The following RHBDL1 variants were observed in gnomAD, a reference collection of about 807,000 sequenced individuals.
RHBDL1 encodes the protein rhomboid-related protein 1.
In RHBDL1, 21 loss-of-function variants were observed where a neutral mutation model predicts 34.0. The observed-to-expected ratio is 0.62, with a 90% CI of 0.44 to 0.89. The LOEUF (loss-of-function observed/expected upper bound fraction) is 0.89. RHBDL1 is among the 40% of genes least tolerant of loss of function. RHBDL1 has a pLI of 0.00. For missense variants in RHBDL1, 450 were observed against 530.6 expected (o/e 0.85, Z 1.49); for synonymous variants, 268 against 234.8 (o/e 1.14, Z -1.29).
intron 4 of RHBDL1, 34 bp downstream of exon 4, chr16:677,153 C>T (rs900785738): frequency 6.3e-7 from 1 of 1,583,202 alleles, no homozygotes; most frequent in Admixed American, 1.7e-5. Flanking sequence ...AGCCCCGCCC[C>T]AACCTGCCAT....
In RHBDL1 at chr16:677,681, G is replaced by A; in HGVS notation, c.832G>A (p.Val278Met). The A allele has an allele frequency of 6.5e-7, 1 of 1,550,158 alleles. No individual in the cohort carries two copies. The highest frequency in any genetic ancestry group is 8.7e-7 in the Non-Finnish European group (1 of 1,146,466). Residue 278 changes from valine to methionine, a missense_variant, in exon 7 of 8, where the codon GTG (valine) becomes ATG (methionine). Physicochemically the swap from Val to Met is conservative, Grantham distance 21. Transcript: ENST00000352681. ...ATGTCCCTACAAGTTGCTGAGGATGGTGCTGGCCTTGGTGTGCAGTGAGTA... is the reference window on the plus strand; with the variant it reads ...ATGTCCCTACAAGTTGCTGAGGATGATGCTGGCCTTGGTGTGCAGTGAGTA... ...MRCPYKLLRM[V>M]LALVCMSSEV...
rs778588458 is a variant in RHBDL1 at position 676,300 on chromosome 16, C to T, written c.40-36C>T. The T allele has an allele frequency of 2.4e-5, 38 of 1,599,694 alleles. No individual in the cohort carries two copies. The highest frequency in any genetic ancestry group is 5.1e-5 in the Admixed American group (3 of 58,510). ...AGCCCTTTGGTCCAGGGGTCGGGCC[C>T]GCACTCAGGCCTTGGCTGGCGGCTC... On this transcript the variant is annotated intron_variant, in intron 1 of 7. Coordinates refer to ENST00000352681, the MANE Select transcript of RHBDL1 (RefSeq NM_001278720.2). This position sits in a 1 kb window ranked among gnomAD's most constrained non-coding sequence, Gnocchi z 6.9.
At position 678,163 on chromosome 16, in the gene RHBDL1, G is replaced by C; in HGVS notation, c.*111G>C. On this transcript the variant is annotated 3_prime_UTR_variant, in exon 8 of 8. Transcript: ENST00000352681. ...ACGTCTCAGGGCTGCTGTGCCCCTTGGGTGTGGGTGGCCTCAAAGGAGGCC... is the reference window on the plus strand; with the variant it reads ...ACGTCTCAGGGCTGCTGTGCCCCTTCGGTGTGGGTGGCCTCAAAGGAGGCC... 7.1e-7 allele frequency: 1 copy of C among 1,401,420 alleles called. No individual in the cohort carries two copies. The highest frequency in any genetic ancestry group is 9.2e-7 in the Non-Finnish European group (1 of 1,084,192). The allele number at this position is 1,401,420 out of a possible 1,614,324, so 86.8% of individuals were successfully genotyped here.
chr16:678,013 C>T lies in RHBDL1; in HGVS notation c.1083C>T (p.Ala361=). The T allele has an allele frequency of 6.3e-7, 1 of 1,590,404 alleles. No individual in the cohort carries two copies. The highest frequency in any genetic ancestry group is 8.5e-7 in the Non-Finnish European group (1 of 1,174,388). Residue 361 remains alanine, a synonymous_variant, in exon 8 of 8, where the codon GCC becomes GCT. Transcript: ENST00000352681. ...LLFAVFWNVF[A]YDLLGAHIPP... ...TCGCCGTCTTCTGGAACGTCTTCGC[C>T]TACGACCTGCTGGGCGCCCACATCC...
intron 4 of RHBDL1, 32 bp from the exon 5 acceptor site, chr16:677,244 C>T (rs748967037): frequency 1.3e-6 from 2 of 1,553,860 alleles, no homozygotes; most frequent in South Asian, 1.2e-5. Context: ...GCTGACCCCA[C>T]CCTTCGTACC....
At chr16:677,418 C>A in intron 5 of RHBDL1, 30 bp downstream of exon 5, 1 of 1,574,642 alleles carries the variant, frequency 6.4e-7, no homozygotes, top group Non-Finnish European at 8.6e-7. Flanking sequence ...CCGCCCCCTG[C>A]CCTGGCCGGC....
chr16:676,031 GGGGAGGGAGGGA>G lies in RHBDL1; in HGVS notation c.39+218_39+229del, dbSNP rs561817432. On this transcript the variant is annotated intron_variant, in intron 1 of 7. Transcript: ENST00000352681. The surrounding 1 kb of genome is among the most constrained non-coding windows in gnomAD (Gnocchi z 6.9). ...TCCTGGCTGGAGAAGGGAGAGTCGG[GGGGAGGGAGGGA>G]GGGAGGGAGGGAGGGCGGGCAGCTG... 1.4e-4 allele frequency: 193 copies of G among 1,388,370 alleles called. No homozygotes were observed. The highest frequency in any genetic ancestry group is 5.3e-4 in the East Asian group (20 of 37,634). The allele number at this position is 1,388,370 out of a possible 1,614,324, so 86.0% of individuals were successfully genotyped here.
intron 1 of RHBDL1, 161 bp downstream of exon 1, chr16:675,990 C>G: frequency 7.1e-7 from 1 of 1,401,722 alleles, no homozygotes; most frequent in African/African-American, 1.5e-5. Flanking sequence ...CAGGAGAGGA[C>G]TGACTGGACC....
In RHBDL1 at chr16:678,054, C is replaced by T. The variant is rs767961731; in HGVS notation, c.*2C>T. 3.4e-5 allele frequency: 53 copies of T among 1,556,258 alleles called. 1 individual carries two copies. The highest frequency in any genetic ancestry group is 4.1e-5 in the African/African-American group (3 of 74,048). On this transcript the variant is annotated 3_prime_UTR_variant, in exon 8 of 8. Coordinates refer to ENST00000352681, the MANE Select transcript of RHBDL1 (RefSeq NM_001278720.2). ...GCCCACATCCCCCCACCGCCCTGAC[C>T]GGCTACCTGAGGCTGCACAGGCCAG...
Position 676,667 on chromosome 16 carries a change from C to T in RHBDL1, c.202-5C>T. On this transcript the variant is annotated splice_region_variant and splice_polypyrimidine_tract_variant and intron_variant, in intron 2 of 7. Coordinates refer to ENST00000352681, the MANE Select transcript of RHBDL1 (RefSeq NM_001278720.2). This position sits in a 1 kb window ranked among gnomAD's most constrained non-coding sequence, Gnocchi z 6.9. ...CGTGGCCCACACTCAGGCCCCTGCCCCCAGATCAGCAGCAAGCGCTCCAGC... is the reference window on the plus strand; with the variant it reads ...CGTGGCCCACACTCAGGCCCCTGCCTCCAGATCAGCAGCAAGCGCTCCAGC... 1 of 1,610,790 alleles carries T rather than the reference C, an allele frequency of 6.2e-7. No homozygotes were observed. Among genetic ancestry groups the T allele is most frequent in the South Asian group, 1.1e-5 (1 of 91,048 alleles).
rs760854835 is a variant in RHBDL1 at position 676,508 on chromosome 16, C to T, written c.201+11C>T. Reference sequence around the variant, plus strand: ...GAGCTGGTGGACCTGGTCAGTGCCACGGTGGGCAGGCGGCAGGGGCACGGT... The same window carrying T: ...GAGCTGGTGGACCTGGTCAGTGCCATGGTGGGCAGGCGGCAGGGGCACGGT... On this transcript the variant is annotated intron_variant, in intron 2 of 7. Coordinates refer to ENST00000352681, the MANE Select transcript of RHBDL1 (RefSeq NM_001278720.2). The surrounding 1 kb of genome is among the most constrained non-coding windows in gnomAD (Gnocchi z 6.9). 9.5e-6 allele frequency: 15 copies of T among 1,580,226 alleles called. No homozygotes were observed. Among genetic ancestry groups the T allele is most frequent in the South Asian group, 1.1e-5 (1 of 89,330 alleles).
At position 677,577 on chromosome 16, in the gene RHBDL1, TG is replaced by T. The variant is rs1018777584; in HGVS notation, c.789+24del. On this transcript the variant is annotated intron_variant, in intron 6 of 7. Transcript: ENST00000352681. ...TTGTCATGGTAACGGGCCTGCCCGGTGGGGGGCGTGGGGAGGGGCCCCAGGT... is the reference window on the plus strand; with the variant it reads ...TTGTCATGGTAACGGGCCTGCCCGGTGGGGGCGTGGGGAGGGGCCCCAGGT... 2 of 1,607,350 alleles carry T rather than the reference TG, an allele frequency of 1.2e-6. No individual in the cohort carries two copies.
intron 4 of RHBDL1, 24 bp from the exon 5 acceptor site, chr16:677,252 A>AC: frequency 1.3e-6 from 2 of 1,559,348 alleles, no homozygotes; most frequent in South Asian, 2.3e-5. Flanking sequence ...CACCCTTCGT[A>AC]CCCGTTTGCT....
At position 677,381 on chromosome 16, in the gene RHBDL1, G is replaced by A; in HGVS notation, c.681G>A (p.Val227=). The part of the protein sequence containing the change: ...LRISLLYLAG[V]LAGSLTVSIT... Reference sequence around the variant, plus strand: ...TCAGCCTGCTCTACCTGGCAGGCGTGCTGGCAGGTGAGGCAGGCGCGCACC... The same window carrying A: ...TCAGCCTGCTCTACCTGGCAGGCGTACTGGCAGGTGAGGCAGGCGCGCACC... The change falls in exon 5 of 8, where the codon GTG becomes GTA. Residue 227 remains valine (V), a synonymous_variant. Transcript: ENST00000352681. 1 of 1,572,610 alleles carries A rather than the reference G, an allele frequency of 6.4e-7. No homozygotes were observed. The highest frequency in any genetic ancestry group is 1.2e-5 in the South Asian group (1 of 86,686).
chr16:677,908 C>A lies in RHBDL1; in HGVS notation c.978C>A (p.Ile326=). Residue 326 remains isoleucine (I), a synonymous_variant, in exon 8 of 8, where the codon ATC becomes ATA. Coordinates refer to ENST00000352681, the MANE Select transcript of RHBDL1 (RefSeq NM_001278720.2). ...TGGGGGTGAGCATGGGCCTGACCAT[C>A]CTGCGGAGCTACGAGGAGCGCCTGC... The part of the protein sequence containing the change: ...AVVGVSMGLT[I]LRSYEERLRD... 1 of 1,602,798 alleles carries A rather than the reference C, an allele frequency of 6.2e-7. No individual in the cohort carries two copies.
In RHBDL1 at chr16:676,791, C is replaced by T. The variant is rs765213058; in HGVS notation, c.321C>T (p.Tyr107=). The change falls in exon 3 of 8, where the codon TAC becomes TAT. Residue 107 remains tyrosine (Y), a synonymous_variant. Transcript: ENST00000352681. This position sits in a 1 kb window ranked among gnomAD's most constrained non-coding sequence, Gnocchi z 6.9. ...GLGVYKRFVR[Y]VAYEILPCEV... ...GTGTCTACAAGCGGTTTGTGCGTTA[C>T]GTGGCCTACGAGATCCTGCCTTGTG... 101 of 1,610,972 alleles carry T rather than the reference C, an allele frequency of 6.3e-5. No homozygotes were observed. The highest frequency in any genetic ancestry group is 6.2e-4 in the East Asian group (28 of 44,822).
rs1171315971 is a variant in RHBDL1, at chr16:676,638, G to T, written c.202-34G>T. On this transcript the variant is annotated intron_variant, in intron 2 of 7. Transcript: ENST00000352681. The surrounding 1 kb of genome is among the most constrained non-coding windows in gnomAD (Gnocchi z 6.9). ...CTCACAGGCAGGGGTGCCATGGGGA[G>T]GTCCGTGGCCCACACTCAGGCCCCT... 1.9e-6 allele frequency: 3 copies of T among 1,601,970 alleles called. No individual in the cohort carries two copies. The highest frequency in any genetic ancestry group is 1.7e-6 in the Non-Finnish European group (2 of 1,175,086).
Position 676,422 on chromosome 16 carries a change from C to T in RHBDL1, c.126C>T (p.Ala42=). The T allele has an allele frequency of 1.2e-6, 2 of 1,607,088 alleles. No individual in the cohort carries two copies. The highest frequency in any genetic ancestry group is 1.7e-6 in the Non-Finnish European group (2 of 1,178,364). ...VHSHELPLDP[A]KLDMLVALAQ... ...GCCATGAGCTGCCCCTGGACCCGGC[C>T]AAGCTGGACATGCTGGTGGCCCTGG... Residue 42 remains alanine, a synonymous_variant, in exon 2 of 8, where the codon GCC becomes GCT. Transcript: ENST00000352681. This position sits in a 1 kb window ranked among gnomAD's most constrained non-coding sequence, Gnocchi z 6.9.
In RHBDL1 at chr16:676,119, CG is replaced by C. The variant is rs1567274758; in HGVS notation, c.40-212del. 4.8e-6 allele frequency: 7 copies of C among 1,453,978 alleles called. No individual in the cohort carries two copies. Among genetic ancestry groups the C allele is most frequent in the Non-Finnish European group, 3.6e-6 (4 of 1,099,296 alleles). The allele number at this position is 1,453,978 out of a possible 1,614,324, so 90.1% of individuals were successfully genotyped here. A position where few individuals can be genotyped will look rare whatever the true frequency, so the allele number is the denominator to read the frequency against. ...TTTCCAGGATGGGTAGGGTGGAAGA[CG>C]GGGGAACAACTGAGGAGCTGGAGGA... On this transcript the variant is annotated intron_variant, in intron 1 of 7. Coordinates refer to ENST00000352681, the MANE Select transcript of RHBDL1 (RefSeq NM_001278720.2). The surrounding 1 kb of genome is among the most constrained non-coding windows in gnomAD (Gnocchi z 6.9).
Sources: allele counts gnomAD v4.1 joint callset, GRCh38; gene constraint gnomAD v4.1.1; non-coding constraint Gnocchi (gnomAD v3.1); transcripts MANE v1.5; gene names NCBI Gene and HGNC (gene_info 2026-07-23, HGNC 2026-07-21).